Variants in TTC28 observed in about 807,000 individuals in gnomAD.
TTC28 encodes the protein tetratricopeptide repeat protein 28.
TTC28 carries 61 observed loss-of-function variants against 198.0 expected under a neutral mutation model. The observed-to-expected ratio is 0.31, with a 90% CI of 0.25 to 0.38. The LOEUF is 0.38. Ranked by LOEUF, TTC28 falls within the 10% of genes least tolerant of loss-of-function variation. The pLI, the probability that TTC28 is intolerant of heterozygous loss-of-function variation, is 1.00. For synonymous variants in TTC28, 1,171 were observed against 1,297.8 expected (o/e 0.90, Z 2.10); for missense variants, 2,678 against 3,164.0 (o/e 0.85, Z 3.69).
At chr22:28,446,132 T>C (rs1474426175) in intron 2 of TTC28, among the ~76,000 whole-genome samples, 2 of 152,176 alleles carry the variant, frequency 1.3e-5, no homozygotes, top group Non-Finnish European at 2.9e-5. Context: ...CGAGCCGGTA[T>C]CTAAAATACA....
intron 1 of TTC28, among the ~76,000 whole-genome samples, chr22:28,636,777 C>G (rs1255669037): frequency 6.6e-6 from 1 of 152,034 alleles, no homozygotes; most frequent in Non-Finnish European, 1.5e-5. Context: ...GATATTAACC[C>G]TTATCAGGTA....
At position 27,995,207 on chromosome 22, in the gene TTC28, G is replaced by A. The variant is rs190535831; in HGVS notation, c.5244+928C>T. ...ATGCTCACTCCCAGGCTGCATCGAC[G>A]CTGCCCCCGGTCCTCCATCTTAACC... On this transcript the variant is annotated intron_variant, in intron 17 of 22. Coordinates refer to ENST00000397906, the MANE Select transcript of TTC28 (RefSeq NM_001145418.2). Among the ~76,000 whole-genome samples the A allele has an allele frequency of 7.9e-5, 12 of 152,268 alleles. No homozygotes were observed. In the East Asian group the frequency reaches 9.7e-4, roughly 12 times the overall value.
intron 2 of TTC28, among the ~76,000 whole-genome samples, chr22:28,367,158 G>T (rs1001428640): frequency 2.0e-5 from 3 of 151,858 alleles, no homozygotes; most frequent in Non-Finnish European, 2.9e-5. Context: ...CAGCCCATAG[G>T]TCATTCTCAG....
intron 2 of TTC28, among the ~76,000 whole-genome samples, chr22:28,452,196 T>G (rs1183714457): frequency 6.6e-6 from 1 of 152,008 alleles, no homozygotes; most frequent in Non-Finnish European, 1.5e-5. Flanking sequence ...CAGACCATCC[T>G]GGCTAACATG....
chr22:28,210,329 G>C (rs1449546744), intron 5 of TTC28, among the ~76,000 whole-genome samples: 1 of 152,026 alleles, frequency 6.6e-6, no homozygotes, highest in Non-Finnish European at 1.5e-5. Context: ...CAGACGATCG[G>C]TAATAACAAA....
intron 12 of TTC28, among the ~76,000 whole-genome samples, chr22:28,063,042 C>T (rs1940612364): frequency 6.6e-6 from 1 of 151,918 alleles, no homozygotes; most frequent in African/African-American, 2.4e-5. Context: ...TTTTTCAAAA[C>T]AAGTAATTAA....
intron 6 of TTC28, among the ~76,000 whole-genome samples, chr22:28,143,597 T>C (rs1277722195): frequency 6.6e-6 from 1 of 152,198 alleles, no homozygotes; most frequent in East Asian, 1.9e-4. Context: ...TTTTTCAAGA[T>C]TTAATGTAAA....
At chr22:28,384,671 G>A (rs1183686364) in intron 2 of TTC28, among the ~76,000 whole-genome samples, 2 of 152,110 alleles carry the variant, frequency 1.3e-5, no homozygotes, top group Non-Finnish European at 2.9e-5. Context: ...CATCCCATTA[G>A]TCACTAAGTT....
intron 2 of TTC28, among the ~76,000 whole-genome samples, chr22:28,538,123 T>C (rs1390939041): frequency 6.6e-6 from 1 of 152,232 alleles, no homozygotes; most frequent in Non-Finnish European, 1.5e-5. Flanking sequence ...CCTCGCTCTG[T>C]TGCCAGGCTA....
chr22:28,127,876 A>G (rs1436045962), intron 6 of TTC28, among the ~76,000 whole-genome samples: 1 of 149,322 alleles, frequency 6.7e-6, no homozygotes, highest in African/African-American at 2.5e-5. Flanking sequence ...TACAGGTTCA[A>G]ATCACCATGC....
At chr22:28,015,474 G>A (rs961611272) in intron 13 of TTC28, among the ~76,000 whole-genome samples, 1 of 150,232 alleles carries the variant, frequency 6.7e-6, no homozygotes, top group African/African-American at 2.5e-5. Flanking sequence ...CCAGGCTGGA[G>A]TGCAGTGGTG....
In TTC28 at chr22:27,992,654, T is replaced by C. The variant is rs41302585; in HGVS notation, c.5486A>G (p.Asn1829Ser). The change falls in exon 19 of 23, where the codon AAT (asparagine) becomes AGT (serine). Residue 1829 changes from asparagine (N) to serine (S), a missense_variant. By Grantham distance (46) the Asn-to-Ser change is conservative. This residue lies in a region of TTC28 where 314 missense variants were observed against 442.7 expected (regional missense o/e 0.71). Coordinates refer to ENST00000397906, the MANE Select transcript of TTC28 (RefSeq NM_001145418.2). ...TTTGCAAAGGGCTTGGAGGGCAGGA[T>C]TGGGCAGACCTAAACCAAGAAAAAA... ...STLQSLLGLP[N>S]PALQALCKLI... The C allele has an allele frequency of 6.0e-5, 93 of 1,551,630 alleles. No homozygotes were observed. Among genetic ancestry groups the C allele is most frequent in the African/African-American group, 1.1e-4 (8 of 73,152 alleles).
chr22:28,450,050 G>T (rs1001726939), intron 2 of TTC28, among the ~76,000 whole-genome samples: 4 of 152,148 alleles, frequency 2.6e-5, no homozygotes, highest in African/African-American at 9.7e-5. Context: ...GCACAGGGAT[G>T]TGAAGTTAAG....
intron 16 of TTC28, 26 bp downstream of exon 16, chr22:27,998,514 G>A: frequency 6.5e-7 from 1 of 1,534,634 alleles, no homozygotes. Context: ...GCCTTGACAG[G>A]CACCCGCAGC....
intron 14 of TTC28, among the ~76,000 whole-genome samples, chr22:28,012,288 C>T (rs1938193125): frequency 6.6e-6 from 1 of 152,136 alleles, no homozygotes; most frequent in African/African-American, 2.4e-5. Context: ...AAGGAGGACG[C>T]AGGAGAGGGT....
At chr22:28,529,266 G>A (rs532110514) in intron 2 of TTC28, among the ~76,000 whole-genome samples, 2 of 152,058 alleles carry the variant, frequency 1.3e-5, no homozygotes, top group Admixed American at 1.3e-4. Context: ...TATATCCCAT[G>A]CATGACTCAG....
chr22:28,582,544 T>C (rs1037660912), intron 2 of TTC28, among the ~76,000 whole-genome samples: 41 of 152,156 alleles, frequency 2.7e-4, no homozygotes, highest in Non-Finnish European at 5.0e-4. Flanking sequence ...GAAAAGGAGA[T>C]TGAAATCCAT....
intron 16 of TTC28, chr22:27,998,304 A>G (rs1937586609): frequency 1.5e-6 from 1 of 667,696 alleles, no homozygotes; most frequent in Admixed American, 3.0e-5. Context: ...GGAGTTTCAC[A>G]TTCATACACT....
At chr22:27,996,852 A>ATTAG (rs1937562274) in intron 16 of TTC28, among the ~76,000 whole-genome samples, 1 of 152,032 alleles carries the variant, frequency 6.6e-6, no homozygotes, top group South Asian at 2.1e-4. Flanking sequence ...GGGTTTTCTA[A>ATTAG]GATAATGAGC....
Sources: allele counts gnomAD v4.1 joint callset (sites outside exome capture counted in the v4.1 genomes callset), GRCh38; gene constraint gnomAD v4.1.1; regional missense constraint gnomAD v4.1.1; transcripts MANE v1.5; gene names NCBI Gene and HGNC (gene_info 2026-07-23, HGNC 2026-07-21).